Variants in FGGY observed in about 807,000 individuals in gnomAD.
The protein encoded by FGGY is FGGY carbohydrate kinase domain containing, also known as FGGY carbohydrate kinase domain-containing protein.
Under a neutral mutation model 71.3 loss-of-function variants are expected in FGGY, and 72 were observed. The observed-to-expected ratio is 1.01, with a 90% CI of 0.84 to 1.23. FGGY has a LOEUF of 1.23. FGGY is among the 50% of genes most tolerant of loss of function. The pLI, the probability that FGGY is intolerant of heterozygous loss-of-function variation, is 0.00. For synonymous variants in FGGY, 251 were observed against 250.3 expected (o/e 1.00, Z -0.02); for missense variants, 668 against 682.3 (o/e 0.98, Z 0.23).
intron 5 of FGGY, among the ~76,000 whole-genome samples, chr1:59,400,730 T>C (rs1005857870): frequency 5.9e-5 from 9 of 152,120 alleles, no homozygotes; most frequent in African/African-American, 2.2e-4. Flanking sequence ...CTTGAAAGAC[T>C]CTTGACATAA....
intron 7 of FGGY, among the ~76,000 whole-genome samples, chr1:59,522,174 G>A (rs2094852405): frequency 6.6e-6 from 1 of 152,208 alleles, no homozygotes; most frequent in Admixed American, 6.5e-5. Context: ...GAAGGTTTAA[G>A]AACCTGCCAA....
chr1:59,686,578 T>A (rs895619445), intron 14 of FGGY, among the ~76,000 whole-genome samples: 2 of 152,188 alleles, frequency 1.3e-5, no homozygotes, highest in Non-Finnish European at 2.9e-5. Context: ...TATCCTCTAT[T>A]ATTTTTTTTT....
chr1:59,685,490 A>G (rs527529724), intron 14 of FGGY, among the ~76,000 whole-genome samples: 85 of 152,310 alleles, frequency 5.6e-4, no homozygotes, highest in African/African-American at 2.0e-3. Flanking sequence ...AATAAAACTC[A>G]TAAGTTAGAA....
intron 7 of FGGY, among the ~76,000 whole-genome samples, chr1:59,524,300 C>A (rs1326930794): frequency 2.6e-5 from 4 of 152,338 alleles, no homozygotes; most frequent in Middle Eastern, 3.4e-3. Flanking sequence ...TCGGCTCAGG[C>A]CTGCAGGTGC....
chr1:59,660,592 A>G (rs1173407400), intron 12 of FGGY, among the ~76,000 whole-genome samples: 2 of 152,370 alleles, frequency 1.3e-5, no homozygotes, highest in East Asian at 1.9e-4. Flanking sequence ...AACAGATGCT[A>G]TGTATGCTTG....
intron 1 of FGGY, among the ~76,000 whole-genome samples, chr1:59,308,655 G>A (rs1275964060): frequency 6.6e-6 from 1 of 152,192 alleles, no homozygotes; most frequent in Non-Finnish European, 1.5e-5. Context: ...GGAGCTGGAA[G>A]GGGGCCTGAC....
chr1:59,745,379 G>A (rs2098187214), intron 14 of FGGY, among the ~76,000 whole-genome samples: 1 of 152,112 alleles, frequency 6.6e-6, no homozygotes, highest in South Asian at 2.1e-4. Context: ...AGAGCAGTTG[G>A]CCTAGTGACT....
chr1:59,298,976 C>A (rs1026969203), intron 1 of FGGY, among the ~76,000 whole-genome samples: 17 of 152,226 alleles, frequency 1.1e-4, no homozygotes, highest in African/African-American at 4.1e-4. Context: ...TTGGTCTCTG[C>A]TTTCAAGCTT....
intron 5 of FGGY, among the ~76,000 whole-genome samples, chr1:59,382,359 C>G (rs1267854059): frequency 6.6e-6 from 1 of 152,168 alleles, no homozygotes; most frequent in African/African-American, 2.4e-5. Flanking sequence ...ATGTCAGCAA[C>G]CCCGAACCTC....
intron 4 of FGGY, among the ~76,000 whole-genome samples, chr1:59,375,407 T>C (rs758515126): frequency 6.6e-6 from 1 of 152,106 alleles, no homozygotes; most frequent in Non-Finnish European, 1.5e-5. Flanking sequence ...CTGGCCTATC[T>C]CCAGACTTTT....
intron 6 of FGGY, among the ~76,000 whole-genome samples, chr1:59,510,454 A>G: frequency 6.6e-6 from 1 of 152,138 alleles, no homozygotes; most frequent in Non-Finnish European, 1.5e-5. Context: ...ATTGTCCAGA[A>G]CCGTATTATA....
At chr1:59,511,393 C>A (rs1215092108) in intron 6 of FGGY, among the ~76,000 whole-genome samples, 1 of 152,028 alleles carries the variant, frequency 6.6e-6, no homozygotes, top group Non-Finnish European at 1.5e-5. Flanking sequence ...CTTAATATAT[C>A]TATGAGTCAA....
chr1:59,455,278 G>C (rs969753037), intron 5 of FGGY, among the ~76,000 whole-genome samples: 1 of 152,122 alleles, frequency 6.6e-6, no homozygotes. Context: ...CCCTTCATTG[G>C]GGCTTCCTGA....
chr1:59,573,210 A>G (rs1180551175), intron 8 of FGGY, among the ~76,000 whole-genome samples: 2 of 151,792 alleles, frequency 1.3e-5, no homozygotes, highest in Non-Finnish European at 3.0e-5. Context: ...ACTTTTTTAA[A>G]AGTTTTATTG....
intron 12 of FGGY, among the ~76,000 whole-genome samples, chr1:59,664,095 T>A (rs55779467): frequency 0.013 from 1,998 of 152,378 alleles, 22 homozygotes; most frequent in Non-Finnish European, 0.022. Context: ...CCTGTTCATC[T>A]ATAGTTTTCT....
intron 8 of FGGY, among the ~76,000 whole-genome samples, chr1:59,578,446 A>G (rs7535705): frequency 0.028 from 4,320 of 152,182 alleles, 83 homozygotes; most frequent in Non-Finnish European, 0.046. Context: ...GCTGTCCAGC[A>G]GGAAAAAGTA....
chr1:59,517,675 G>A (rs949446672), intron 7 of FGGY, among the ~76,000 whole-genome samples: 2 of 152,060 alleles, frequency 1.3e-5, no homozygotes, highest in Non-Finnish European at 2.9e-5. Flanking sequence ...GTTTGTGTGT[G>A]CCACATTGCC....
intron 7 of FGGY, among the ~76,000 whole-genome samples, chr1:59,551,727 C>T (rs1463711804): frequency 1.3e-5 from 2 of 152,202 alleles, no homozygotes; most frequent in Non-Finnish European, 2.9e-5. Flanking sequence ...GAAGTTACTA[C>T]TCATTTCTAA....
At chr1:59,745,462 G>A (rs1285365975) in intron 14 of FGGY, among the ~76,000 whole-genome samples, 1 of 152,168 alleles carries the variant, frequency 6.6e-6, no homozygotes, top group Non-Finnish European at 1.5e-5. Context: ...CTTTGCTGTC[G>A]ATTTGGTTGC....
Sources: allele counts gnomAD v4.1 joint callset (sites outside exome capture counted in the v4.1 genomes callset), GRCh38; gene constraint gnomAD v4.1.1; transcripts MANE v1.5; gene names NCBI Gene and HGNC (gene_info 2026-07-23, HGNC 2026-07-21).